Variants in FRMD4A observed in about 807,000 individuals in gnomAD.
FRMD4A encodes the protein FERM domain containing 4A.
A neutral mutation model predicts 129.1 loss-of-function variants in FRMD4A; 29 were observed. The observed-to-expected ratio is 0.22, with a 90% CI of 0.17 to 0.31. The LOEUF (loss-of-function observed/expected upper bound fraction) is 0.31, where lower values mean the gene tolerates loss of function less well. Among genes scored for constraint, FRMD4A ranks in the 10% least tolerant of loss-of-function variants. The pLI is 1.00. For missense variants in FRMD4A, 1,272 were observed against 1,375.8 expected (o/e 0.92, Z 1.19); for synonymous variants, 634 against 571.6 (o/e 1.11, Z -1.56).
chr10:13,956,393 C>A (rs1394863046), intron 2 of FRMD4A, among the ~76,000 whole-genome samples: 2 of 152,198 alleles, frequency 1.3e-5, no homozygotes, highest in African/African-American at 4.8e-5. Flanking sequence ...CTCAAGTGAT[C>A]AGCCTGCCTT....
rs756069 is a variant in FRMD4A at position 13,730,210 on chromosome 10, G to T, written c.759+7634C>A. Among the ~76,000 whole-genome samples the T allele has an allele frequency of 0.01, 1,583 of 152,254 alleles. 65 individuals are homozygous for T. In the East Asian group the frequency reaches 0.12, roughly 11 times the overall value. ...TCGGGCTTCAATCAATCAAAGGAAC[G>T]TAAGGACCCCTCCCCTACAGAGAGA... On this transcript the variant is annotated intron_variant, in intron 12 of 24. Coordinates refer to ENST00000357447, the MANE Select transcript of FRMD4A (RefSeq NM_018027.5).
At chr10:13,893,749 A>C (rs1195837449) in intron 2 of FRMD4A, among the ~76,000 whole-genome samples, 1 of 152,160 alleles carries the variant, frequency 6.6e-6, no homozygotes, top group Non-Finnish European at 1.5e-5. Flanking sequence ...TCCTGACCTC[A>C]GGTGATCCAC....
At chr10:13,833,754 C>T (rs1341830210) in intron 3 of FRMD4A, among the ~76,000 whole-genome samples, 1 of 152,066 alleles carries the variant, frequency 6.6e-6, no homozygotes, top group South Asian at 2.1e-4. Flanking sequence ...TACAGAATTG[C>T]AGTTAATCAT....
At chr10:13,804,559 TG>T (rs2093325968) in intron 4 of FRMD4A, among the ~76,000 whole-genome samples, 1 of 130,354 alleles carries the variant, frequency 7.7e-6, no homozygotes. Context: ...TTCTTTTTTT[TG>T]TTGAGACGGA....
chr10:14,020,414 G>T (rs2447015), intron 2 of FRMD4A, among the ~76,000 whole-genome samples: 139,392 of 152,188 alleles, frequency 0.92, 63,966 homozygotes, highest in Non-Finnish European at 0.93. Context: ...TGGGATGACA[G>T]CCTAATGAGC....
At chr10:14,073,457 G>T (rs190380905) in intron 2 of FRMD4A, among the ~76,000 whole-genome samples, 26 of 152,292 alleles carry the variant, frequency 1.7e-4, no homozygotes, top group Admixed American at 9.2e-4. Context: ...ATCAGTCTTT[G>T]TGTGGTTGGT....
intron 2 of FRMD4A, among the ~76,000 whole-genome samples, chr10:13,893,031 G>GTGTT (rs375375007): frequency 4.0e-4 from 61 of 152,138 alleles, no homozygotes; most frequent in African/African-American, 1.3e-3. Flanking sequence ...TACCTGTTTT[G>GTGTT]TGTTTGTTTG....
intron 2 of FRMD4A, among the ~76,000 whole-genome samples, chr10:14,249,454 G>A (rs12258655): frequency 6.6e-6 from 1 of 152,006 alleles, no homozygotes; most frequent in Non-Finnish European, 1.5e-5. Flanking sequence ...GGCCAGGACT[G>A]TCTTACTCTA....
At chr10:13,905,084 A>G (rs567672259) in intron 2 of FRMD4A, among the ~76,000 whole-genome samples, 34 of 152,100 alleles carry the variant, frequency 2.2e-4, no homozygotes, top group Non-Finnish European at 4.1e-4. Context: ...AGCCTTCCTT[A>G]AAGTCTGGAA....
chr10:13,772,179 T>C (rs1454417241), intron 6 of FRMD4A, among the ~76,000 whole-genome samples: 2 of 123,006 alleles, frequency 1.6e-5, no homozygotes, highest in African/African-American at 5.3e-5. Context: ...TATTATATTA[T>C]ATATAATTAT....
rs545350089 is a variant in FRMD4A, at chr10:13,793,742, T to G, written c.299+2754A>C. Among the ~76,000 whole-genome samples the G allele has an allele frequency of 2.6e-5, 4 of 152,292 alleles. No individual in the cohort carries two copies. In the East Asian group the frequency reaches 5.8e-4, roughly 22 times the overall value. ...AAGCCTATTTCAAGTTCTGGGCTTT[T>G]GATGAAGATGATTCTCTTACCACTC... is the stretch of plus-strand genomic sequence containing the variant. On this transcript the variant is annotated intron_variant, in intron 5 of 24. Coordinates refer to ENST00000357447, the MANE Select transcript of FRMD4A (RefSeq NM_018027.5).
intron 2 of FRMD4A, among the ~76,000 whole-genome samples, chr10:14,188,068 C>A (rs1457946774): frequency 6.6e-6 from 1 of 152,204 alleles, no homozygotes; most frequent in Non-Finnish European, 1.5e-5. Context: ...CCCAAAGGAG[C>A]TCCTTCCTTA....
chr10:14,141,631 G>C (rs540896229), intron 2 of FRMD4A, among the ~76,000 whole-genome samples: 33 of 151,158 alleles, frequency 2.2e-4, no homozygotes, highest in Non-Finnish European at 4.3e-4. Context: ...TCCTTTAAGC[G>C]ACATCTCAGA....
At chr10:14,170,808 C>A (rs1841434757) in intron 2 of FRMD4A, among the ~76,000 whole-genome samples, 2 of 37,128 alleles carry the variant, frequency 5.4e-5, no homozygotes, top group South Asian at 6.5e-3. Flanking sequence ...TACCTCTCTT[C>A]CCTGGCCTCT....
chr10:13,725,550 T>C (rs911805066), intron 12 of FRMD4A, among the ~76,000 whole-genome samples: 2 of 152,106 alleles, frequency 1.3e-5, no homozygotes, highest in Non-Finnish European at 1.5e-5. Context: ...TTTTTTTTTC[T>C]GTTCATAGAC....
At chr10:14,133,724 AC>A (rs143138796) in intron 2 of FRMD4A, among the ~76,000 whole-genome samples, 8,615 of 152,078 alleles carry the variant, frequency 0.057, 284 homozygotes, top group Admixed American at 0.091. Context: ...AACCTTCACT[AC>A]CCTTTTTGTC....
At chr10:14,296,389 G>A (rs1185904115) in intron 2 of FRMD4A, among the ~76,000 whole-genome samples, 2 of 152,178 alleles carry the variant, frequency 1.3e-5, no homozygotes, top group Non-Finnish European at 2.9e-5. Context: ...TCCCCTGGCT[G>A]TCTCCTGAGA....
At chr10:13,745,375 G>A (rs969136066) in intron 9 of FRMD4A, among the ~76,000 whole-genome samples, 1 of 152,110 alleles carries the variant, frequency 6.6e-6, no homozygotes, top group African/African-American at 2.4e-5. Context: ...GGGCTGTGAT[G>A]CTGACTGTGA....
At chr10:14,071,936 G>A (rs1835338319) in intron 2 of FRMD4A, among the ~76,000 whole-genome samples, 1 of 152,142 alleles carries the variant, frequency 6.6e-6, no homozygotes, top group African/African-American at 2.4e-5. Context: ...CGTGTTGCAA[G>A]GCTGCTTCTC....
Sources: gnomAD v4.1 joint callset for allele counts (sites outside exome capture counted in the v4.1 genomes callset) on GRCh38, gnomAD v4.1.1 for gene constraint, MANE v1.5 for transcripts, NCBI Gene and HGNC (gene_info 2026-07-23, HGNC 2026-07-21) for gene names.